MRPS23: variants seen among roughly 807,000 people sequenced by gnomAD.
MRPS23 encodes small ribosomal subunit protein mS23.
A neutral mutation model predicts 19.8 loss-of-function variants in MRPS23; 14 were observed. That is an observed-to-expected ratio of 0.71 (90% CI 0.47 to 1.11). The LOEUF (loss-of-function observed/expected upper bound fraction) is 1.11. Among genes scored for constraint, MRPS23 ranks in the 50% least tolerant of loss-of-function variants. The probability of loss-of-function intolerance (pLI) is 0.00; values close to 1 mark genes in which losing one functional copy is unlikely to be tolerated. For synonymous variants in MRPS23, 113 were observed against 89.7 expected, an observed-to-expected ratio of 1.26 and a Z score of -1.47; for missense variants, 242 against 236.7, an observed-to-expected ratio of 1.02 and a Z score of -0.15.
chr17:57,840,352 A>G (rs1438623401), intron 4 of MRPS23, among the ~76,000 whole-genome samples: 1 of 150,934 alleles, frequency 6.6e-6, no homozygotes, highest in African/African-American at 2.4e-5. Flanking sequence ...GCGCCACTGC[A>G]CTCCAGCCTG....
At position 57,850,034 on chromosome 17, in the gene MRPS23, G is replaced by C. The variant is rs774810024; in HGVS notation, c.-24C>G. Reference sequence around the variant, plus strand: ...ATGATCTGCGCCTGGTACCGAGCGTGACTAGCTGCTACCGGAACCGGAAGC... The same window carrying C: ...ATGATCTGCGCCTGGTACCGAGCGTCACTAGCTGCTACCGGAACCGGAAGC... On this transcript the variant is annotated 5_prime_UTR_variant, in exon 1 of 5. Transcript: ENST00000313608. 1.3e-6 allele frequency: 2 copies of C among 1,585,484 alleles called. No homozygotes were observed. Among genetic ancestry groups the C allele is most frequent in the East Asian group, 2.3e-5 (1 of 43,034 alleles).
intron 2 of MRPS23, among the ~76,000 whole-genome samples, 197 bp from the exon 3 acceptor site, chr17:57,841,457 AG>A (rs2073739541): frequency 6.6e-6 from 1 of 152,242 alleles, no homozygotes. Flanking sequence ...ATAGCACAAA[AG>A]GGTGGCCAGT....
At chr17:57,849,831 G>T (rs2073800407) in intron 1 of MRPS23, 136 bp downstream of exon 1, 2 of 1,003,278 alleles carry the variant, frequency 2.0e-6, no homozygotes, top group Non-Finnish European at 2.8e-6. Context: ...AACATGAGAG[G>T]GCCTCACCCA....
intron 2 of MRPS23, among the ~76,000 whole-genome samples, chr17:57,843,843 A>G (rs1327124552): frequency 6.6e-6 from 1 of 152,240 alleles, no homozygotes; most frequent in Non-Finnish European, 1.5e-5. Flanking sequence ...TTGTAGCCAT[A>G]TACATAGAAA....
chr17:57,844,446 A>T (rs1393440534), intron 2 of MRPS23, among the ~76,000 whole-genome samples: 1 of 151,800 alleles, frequency 6.6e-6, no homozygotes, highest in African/African-American at 2.4e-5. Flanking sequence ...ATTAAAAAAT[A>T]AAAAAAGAAT....
At chr17:57,849,934 C>A in intron 1 of MRPS23, 33 bp downstream of exon 1, 1 of 1,576,126 alleles carries the variant, frequency 6.3e-7, no homozygotes, top group Non-Finnish European at 8.6e-7. Flanking sequence ...CTGGGGGAGG[C>A]ACCCTCAGCC....
chr17:57,849,880 C>G, intron 1 of MRPS23, 87 bp downstream of exon 1: 1 of 1,483,694 alleles, frequency 6.7e-7, no homozygotes, highest in Non-Finnish European at 9.1e-7. Flanking sequence ...TCGCCCTGCT[C>G]AGGTCCGCTC....
rs938915754 is a variant in MRPS23 at position 57,840,922 on chromosome 17, T to G, written c.420+4A>C. The G allele has an allele frequency of 1.9e-5, 30 of 1,614,028 alleles. No homozygotes were observed. Among genetic ancestry groups the G allele is most frequent in the Non-Finnish European group, 2.5e-5 (30 of 1,179,960 alleles). Reference sequence around the variant, plus strand: ...AGTAACAATTTTAACAATGAAATACTCACAGTCCTTGCTTCGCCTACTCGT... The same window carrying G: ...AGTAACAATTTTAACAATGAAATACGCACAGTCCTTGCTTCGCCTACTCGT... On this transcript the variant is annotated splice_donor_region_variant and intron_variant, in intron 4 of 4. Coordinates refer to ENST00000313608, the MANE Select transcript of MRPS23 (RefSeq NM_016070.4).
intron 2 of MRPS23, among the ~76,000 whole-genome samples, chr17:57,844,530 T>C (rs1032150884): frequency 6.7e-6 from 1 of 149,810 alleles, no homozygotes; most frequent in African/African-American, 2.5e-5. Flanking sequence ...GAGGCCAAGG[T>C]AGGTGAATCA....
intron 2 of MRPS23, among the ~76,000 whole-genome samples, chr17:57,841,857 G>C (rs145712779): frequency 5.3e-5 from 8 of 152,296 alleles, no homozygotes; most frequent in Non-Finnish European, 1.0e-4. Context: ...TTAGGTGGGA[G>C]AATCACTTGA....
chr17:57,848,329 GA>G (rs1047166813), intron 2 of MRPS23, among the ~76,000 whole-genome samples: 4 of 144,652 alleles, frequency 2.8e-5, no homozygotes, highest in South Asian at 2.2e-4. Flanking sequence ...TTAAGAAAAA[GA>G]AAAAAAAAGA....
rs2073698422 is a variant in MRPS23 at position 57,835,329 on chromosome 17, T to C, written c.*4454A>G. The C allele has an allele frequency of 6.6e-6, 1 of 152,250 alleles. No individual in the cohort carries two copies. The highest frequency in any genetic ancestry group is 6.5e-5 in the Admixed American group (1 of 15,268). The allele number at this position is 152,250 out of a possible 1,614,324, so 9.4% of individuals were successfully genotyped here. A position where few individuals can be genotyped will look rare whatever the true frequency, so the allele number is the denominator to read the frequency against. The stretch of plus-strand genomic sequence containing the variant: ...CACGTCACCAACTGGGTGTTAGTGA[T>C]GCTGCTAAGTTTTCTAGTCACTCAG... On this transcript the variant is annotated 3_prime_UTR_variant, in exon 5 of 5. Transcript: ENST00000313608.
chr17:57,850,037 T>G lies in MRPS23; in HGVS notation c.-27A>C. The G allele has an allele frequency of 6.3e-7, 1 of 1,583,518 alleles. No individual in the cohort carries two copies. The highest frequency in any genetic ancestry group is 8.5e-7 in the Non-Finnish European group (1 of 1,169,974). On this transcript the variant is annotated 5_prime_UTR_variant, in exon 1 of 5. Transcript: ENST00000313608. ...ATCTGCGCCTGGTACCGAGCGTGAC[T>G]AGCTGCTACCGGAACCGGAAGCGGC...
At position 57,835,952 on chromosome 17, in the gene MRPS23, C is replaced by CTTTTTTTTTTTTTTTTTTTTTTTT. The variant is rs11304363; in HGVS notation, c.*3830_*3831insAAAAAAAAAAAAAAAAAAAAAAAA. Reference sequence around the variant, plus strand: ...ATAAGAATTTCTGCCCTCCTTTATACTTTTTTTTTTTTTTTTTTTGAGACA... The same window carrying CTTTTTTTTTTTTTTTTTTTTTTTT: ...ATAAGAATTTCTGCCCTCCTTTATACTTTTTTTTTTTTTTTTTTTTTTTTTTTTTTTTTTTTTTTTTTTGAGACA... On this transcript the variant is annotated 3_prime_UTR_variant, in exon 5 of 5. Coordinates refer to ENST00000313608, the MANE Select transcript of MRPS23 (RefSeq NM_016070.4). The CTTTTTTTTTTTTTTTTTTTTTTTT allele has an allele frequency of 7.4e-6, 1 of 135,256 alleles. No individual in the cohort carries two copies. The highest frequency in any genetic ancestry group is 1.6e-5 in the Non-Finnish European group (1 of 62,630). 8.4% of individuals were successfully genotyped at this position (135,256 alleles called of 1,614,324 possible). A position where few individuals can be genotyped will look rare whatever the true frequency, so the allele number is the denominator to read the frequency against.
chr17:57,845,850 TTA>T (rs2073769444), intron 2 of MRPS23, among the ~76,000 whole-genome samples: 1 of 152,210 alleles, frequency 6.6e-6, no homozygotes, highest in African/African-American at 2.4e-5. Flanking sequence ...AATAAGCAAC[TTA>T]TATGCCACAC....
At position 57,849,253 on chromosome 17, in the gene MRPS23, C is replaced by A; in HGVS notation, c.202G>T (p.Asp68Tyr). The change falls in exon 2 of 5, where the codon GAT becomes TAT. Residue 68 changes from aspartate to tyrosine, a missense_variant. Asp to Tyr is a radical substitution (Grantham distance 160, BLOSUM62 -3). Coordinates refer to ENST00000313608, the MANE Select transcript of MRPS23 (RefSeq NM_016070.4). The part of the protein sequence containing the change: ...APIQDIWYHE[D>Y]RIRAKFYSVY... ...CTGAGCACTCACGCTCTAATCCGAT[C>A]CTCGTGGTACCAGATGTCTTGGATG... 1 of 1,614,214 alleles carries A rather than the reference C, an allele frequency of 6.2e-7. No individual in the cohort carries two copies. The highest frequency in any genetic ancestry group is 2.2e-5 in the East Asian group (1 of 44,886).
At position 57,840,927 on chromosome 17, in the gene MRPS23, G is replaced by A. The variant is rs1455203248; in HGVS notation, c.419C>T (p.Thr140Ile). The change falls in exon 4 of 5, where the codon ACT becomes ATT. Residue 140 changes from threonine to isoleucine, a missense_variant and splice_region_variant. Transcript: ENST00000313608. ...VILRRVGEAR[T>I]QHGGSHVSRK... ...CAATTTTAACAATGAAATACTCACA[G>A]TCCTTGCTTCGCCTACTCGTCTTAA... 1 of 1,613,958 alleles carries A rather than the reference G, an allele frequency of 6.2e-7. No individual in the cohort carries two copies. Among genetic ancestry groups the A allele is most frequent in the African/African-American group, 1.3e-5 (1 of 74,930 alleles).
chr17:57,842,889 TATACAC>T (rs1342780924), intron 2 of MRPS23, among the ~76,000 whole-genome samples: 8,510 of 97,984 alleles, frequency 0.087, 394 homozygotes, highest in South Asian at 0.17. Flanking sequence ...AATATATATA[TATACAC>T]ACACACACAC....
chr17:57,847,238 G>A (rs1324597734), intron 2 of MRPS23, among the ~76,000 whole-genome samples: 2 of 150,944 alleles, frequency 1.3e-5, no homozygotes, highest in Non-Finnish European at 3.0e-5. Context: ...GGTTGCATGG[G>A]GCTGAAATTA....
Sources: allele counts gnomAD v4.1 joint callset (sites outside exome capture counted in the v4.1 genomes callset), GRCh38; gene constraint gnomAD v4.1.1; transcripts MANE v1.5; gene names NCBI Gene and HGNC (gene_info 2026-07-23, HGNC 2026-07-21).